PLCE1: variants seen among roughly 807,000 people sequenced by gnomAD.
PLCE1 encodes phospholipase C epsilon 1, also known as 1-phosphatidylinositol 4,5-bisphosphate phosphodiesterase epsilon-1.
A neutral mutation model predicts 242.8 loss-of-function variants in PLCE1; 119 were observed. The ratio of observed to expected loss-of-function variants is 0.49; its 90% CI spans 0.42 to 0.57. The LOEUF (loss-of-function observed/expected upper bound fraction) is 0.57, where lower values mean the gene tolerates loss of function less well. Ranked by LOEUF, PLCE1 falls within the 20% of genes least tolerant of loss-of-function variation. The pLI, the probability that PLCE1 is intolerant of heterozygous loss-of-function variation, is 0.00. For synonymous variants in PLCE1, 945 were observed against 1,017.4 expected, an observed-to-expected ratio of 0.93 and a Z score of 1.35; for missense variants, 2,441 against 2,788.8, an observed-to-expected ratio of 0.88 and a Z score of 2.81.
chr10:93,994,499 C>A (rs1279758911), intron 1 of PLCE1, among the ~76,000 whole-genome samples: 1 of 152,242 alleles, frequency 6.6e-6, no homozygotes, highest in East Asian at 1.9e-4. Context: ...TGCCTCAGGT[C>A]GCCCCTTCGT....
At chr10:94,150,135 C>T (rs545067439) in intron 3 of PLCE1, among the ~76,000 whole-genome samples, 4 of 152,186 alleles carry the variant, frequency 2.6e-5, no homozygotes, top group South Asian at 2.1e-4. Context: ...TGACAACCTC[C>T]GTGGAGGTCA....
Position 94,316,873 on chromosome 10 carries a change from T to C in PLCE1, c.6342+117T>C. 1.6e-5 allele frequency: 12 copies of C among 748,978 alleles called. 1 individual carries two copies. The South Asian group carries it at 1.8e-4, about 11-fold the overall frequency. The allele number at this position is 748,978 out of a possible 1,614,324, so 46.4% of individuals were successfully genotyped here. ...TGTAATTGCAACTTGGTTTATATTC[T>C]TCTTAAGTAAATGTGGATGAACAGT... On this transcript the variant is annotated intron_variant, in intron 29 of 32. Transcript: ENST00000371380.
intron 2 of PLCE1, chr10:94,088,051 G>A (rs185994004): frequency 6.6e-6 from 1 of 152,352 alleles, no homozygotes; most frequent in African/African-American, 2.4e-5. Flanking sequence ...CTGTGGTTGT[G>A]TAGCTCACAA....
chr10:94,264,305 G>A (rs1455683018), intron 14 of PLCE1, among the ~76,000 whole-genome samples: 5 of 152,068 alleles, frequency 3.3e-5, no homozygotes, highest in African/African-American at 1.2e-4. Flanking sequence ...GACCAAGACA[G>A]CAGCAAGCTG....
intron 2 of PLCE1, among the ~76,000 whole-genome samples, chr10:94,116,682 G>A (rs148118773): frequency 1.3e-5 from 2 of 152,240 alleles, no homozygotes; most frequent in Non-Finnish European, 2.9e-5. Context: ...GCGAAAGAGT[G>A]AGACTCTGTC....
intron 3 of PLCE1, among the ~76,000 whole-genome samples, chr10:94,142,404 A>G (rs1342197292): frequency 6.7e-6 from 1 of 149,660 alleles, no homozygotes; most frequent in Non-Finnish European, 1.5e-5. Context: ...CTGTGGTCCC[A>G]CCTATTCAGA....
chr10:94,286,294 T>A (rs2052444242), intron 22 of PLCE1, among the ~76,000 whole-genome samples: 1 of 152,108 alleles, frequency 6.6e-6, no homozygotes, highest in Admixed American at 6.6e-5. Context: ...GCACCTGGTC[T>A]CACACAGTGC....
chr10:94,119,211 A>G (rs1177496521), intron 2 of PLCE1, among the ~76,000 whole-genome samples: 4 of 152,134 alleles, frequency 2.6e-5, no homozygotes, highest in Non-Finnish European at 5.9e-5. Flanking sequence ...CCACCAAGCT[A>G]TAGGAAATCT....
At chr10:94,004,119 G>A (rs372627591) in intron 1 of PLCE1, among the ~76,000 whole-genome samples, 5 of 151,766 alleles carry the variant, frequency 3.3e-5, no homozygotes, top group South Asian at 2.1e-4. Context: ...GCACTCCAGC[G>A]TGGGTGACAG....
intron 2 of PLCE1, among the ~76,000 whole-genome samples, chr10:94,036,714 TA>T (rs201757494): frequency 4.0e-5 from 6 of 151,670 alleles, no homozygotes; most frequent in East Asian, 1.9e-4. Flanking sequence ...GTTTTTCCTT[TA>T]AAAAAAAATT....
intron 2 of PLCE1, among the ~76,000 whole-genome samples, chr10:94,066,251 G>C (rs2044193008): frequency 6.6e-6 from 1 of 152,210 alleles, no homozygotes. Flanking sequence ...AAAAGATTTA[G>C]CTTGTGAATT....
intron 3 of PLCE1, among the ~76,000 whole-genome samples, chr10:94,158,857 T>TTTTC: frequency 7.0e-6 from 1 of 142,956 alleles, no homozygotes; most frequent in Non-Finnish European, 1.5e-5. Flanking sequence ...TCTTTTTCTT[T>TTTTC]TTTTTTTTTT....
At chr10:93,999,183 AAG>A (rs1272759668) in intron 1 of PLCE1, among the ~76,000 whole-genome samples, 9 of 152,236 alleles carry the variant, frequency 5.9e-5, no homozygotes, top group Admixed American at 5.2e-4. Flanking sequence ...CTATCAAAAT[AAG>A]AGAATGATAA....
intron 19 of PLCE1, among the ~76,000 whole-genome samples, chr10:94,275,363 G>T (rs1028501471): frequency 1.3e-5 from 2 of 152,110 alleles, no homozygotes; most frequent in African/African-American, 4.8e-5. Flanking sequence ...TTACCATTAA[G>T]AATATCGTAG....
chr10:94,222,101 G>A (rs865885134), intron 4 of PLCE1, among the ~76,000 whole-genome samples: 1 of 152,146 alleles, frequency 6.6e-6, no homozygotes, highest in Non-Finnish European at 1.5e-5. Context: ...GGGAAAGATG[G>A]TCTCTGTCCT....
intron 2 of PLCE1, among the ~76,000 whole-genome samples, chr10:94,065,058 C>T: frequency 6.6e-6 from 1 of 152,200 alleles, no homozygotes. Context: ...TGTTTTTCCT[C>T]TGTTAGCTTG....
chr10:94,063,301 G>T (rs572873415), intron 2 of PLCE1, among the ~76,000 whole-genome samples: 2 of 152,044 alleles, frequency 1.3e-5, no homozygotes, highest in Non-Finnish European at 2.9e-5. Flanking sequence ...TTACTTTCTC[G>T]TCGCTCTGTT....
At chr10:94,113,447 G>A (rs553244622) in intron 2 of PLCE1, among the ~76,000 whole-genome samples, 1 of 152,176 alleles carries the variant, frequency 6.6e-6, no homozygotes, top group African/African-American at 2.4e-5. Flanking sequence ...GGTTGGAGAT[G>A]TTTAGTTACC....
chr10:94,212,381 A>C (rs941481915), intron 4 of PLCE1, among the ~76,000 whole-genome samples: 4 of 152,070 alleles, frequency 2.6e-5, no homozygotes, highest in African/African-American at 7.2e-5. Context: ...CTCAGCCTCC[A>C]GAGTAGCTGG....
Sources: gnomAD v4.1 joint callset for allele counts (sites outside exome capture counted in the v4.1 genomes callset) on GRCh38, gnomAD v4.1.1 for gene constraint, MANE v1.5 for transcripts, NCBI Gene and HGNC (gene_info 2026-07-23, HGNC 2026-07-21) for gene names.